Variants in PHF14 observed in about 807,000 individuals in gnomAD.
PHF14 encodes the protein PHD finger protein 14.
In PHF14, 55 loss-of-function variants were observed where a neutral mutation model predicts 117.9. The ratio of observed to expected loss-of-function variants is 0.47; its 90% CI spans 0.38 to 0.58. PHF14 has a LOEUF of 0.58. Among genes scored for constraint, PHF14 ranks in the 20% least tolerant of loss-of-function variants. PHF14 has a pLI of 0.00. For synonymous variants in PHF14, 409 were observed against 368.6 expected, an observed-to-expected ratio of 1.11 and a Z score of -1.26; for missense variants, 978 against 1,122.2, an observed-to-expected ratio of 0.87 and a Z score of 1.84.
chr7:11,116,638 A>C lies in PHF14; in HGVS notation c.2772+5171A>C, dbSNP rs367843700. 1.4e-4 allele frequency among the ~76,000 whole-genome samples: 22 copies of C among 151,830 alleles called. No individual in the cohort carries two copies. The South Asian group carries it at 4.6e-3, about 32-fold the overall frequency. On this transcript the variant is annotated intron_variant, in intron 17 of 17. Coordinates refer to ENST00000634607, the MANE Select transcript of PHF14 (RefSeq NM_001007157.2). ...TCTACTCCTGCCCACATGGATACCTACTTTGCTTGTCATTTGATAACTTTT... is the reference window on the plus strand; with the variant it reads ...TCTACTCCTGCCCACATGGATACCTCCTTTGCTTGTCATTTGATAACTTTT...
At chr7:11,039,847 T>C (rs1316161640) in intron 11 of PHF14, among the ~76,000 whole-genome samples, 1 of 152,152 alleles carries the variant, frequency 6.6e-6, no homozygotes, top group Non-Finnish European at 1.5e-5. Context: ...TTCCTGTTAA[T>C]AGGTTGGTTG....
chr7:11,142,172 A>G (rs1308131864), intron 17 of PHF14, among the ~76,000 whole-genome samples: 1 of 152,094 alleles, frequency 6.6e-6, no homozygotes, highest in Non-Finnish European at 1.5e-5. Flanking sequence ...TGTATTATCA[A>G]TGAAAAATTA....
At chr7:11,060,921 T>A (rs993346469) in intron 14 of PHF14, among the ~76,000 whole-genome samples, 1 of 150,978 alleles carries the variant, frequency 6.6e-6, no homozygotes, top group African/African-American at 2.4e-5. Context: ...ATATGAAGAA[T>A]TGAAATTAAT....
intron 16 of PHF14, among the ~76,000 whole-genome samples, chr7:11,091,363 T>C (rs956756703): frequency 9.9e-5 from 15 of 152,224 alleles, no homozygotes; most frequent in Non-Finnish European, 1.9e-4. Flanking sequence ...TGGCTATATT[T>C]ATTTTTTGGA....
At chr7:10,995,530 G>A (rs866433249) in intron 4 of PHF14, among the ~76,000 whole-genome samples, 2 of 152,204 alleles carry the variant, frequency 1.3e-5, no homozygotes, top group Non-Finnish European at 2.9e-5. Flanking sequence ...GGAGCTGCCC[G>A]CCAGTCCCAT....
chr7:11,056,055 T>A (rs1785006723), intron 14 of PHF14, among the ~76,000 whole-genome samples: 1 of 152,104 alleles, frequency 6.6e-6, no homozygotes, highest in African/African-American at 2.4e-5. Flanking sequence ...GAGGTACGAG[T>A]CAGATTATAA....
At chr7:11,040,374 G>T (rs1784461505) in intron 11 of PHF14, among the ~76,000 whole-genome samples, 1 of 151,488 alleles carries the variant, frequency 6.6e-6, no homozygotes, top group Admixed American at 6.6e-5. Flanking sequence ...ACTGTGTTTT[G>T]TTTTTTTTAA....
intron 14 of PHF14, among the ~76,000 whole-genome samples, chr7:11,052,392 G>C (rs185891665): frequency 1.3e-4 from 20 of 152,200 alleles, no homozygotes; most frequent in Admixed American, 1.2e-3. Flanking sequence ...TTGCTTTGTT[G>C]ATGGGCAGTT....
chr7:11,103,785 G>A (rs547421372), intron 16 of PHF14: 245 of 984,982 alleles, frequency 2.5e-4, no homozygotes, highest in East Asian at 2.4e-3. Flanking sequence ...AGTGAGGAAC[G>A]CTATGATTGG....
chr7:11,020,482 A>G (rs1441117113), intron 5 of PHF14, among the ~76,000 whole-genome samples: 2 of 152,076 alleles, frequency 1.3e-5, no homozygotes, highest in Admixed American at 6.6e-5. Context: ...AGGCTCAAGC[A>G]GTCCTCCTAC....
At chr7:11,144,893 G>A (rs908589712) in intron 17 of PHF14, among the ~76,000 whole-genome samples, 1 of 151,854 alleles carries the variant, frequency 6.6e-6, no homozygotes, top group Non-Finnish European at 1.5e-5. Flanking sequence ...AGTAAGAGTA[G>A]TAAAAAATCA....
chr7:11,077,497 A>G (rs1197558560), intron 16 of PHF14, among the ~76,000 whole-genome samples: 1 of 149,032 alleles, frequency 6.7e-6, no homozygotes, highest in Non-Finnish European at 1.5e-5. Flanking sequence ...GCTACTCAGG[A>G]GGCTGAGGCA....
chr7:10,991,735 TTTTTTTAA>T (rs1467694889), intron 4 of PHF14, among the ~76,000 whole-genome samples: 6 of 148,096 alleles, frequency 4.1e-5, no homozygotes, highest in Non-Finnish European at 7.4e-5. Context: ...CTTGTTTGTT[TTTTTTTAA>T]TTTTTTAATT....
At chr7:11,153,452 T>C (rs538823779) in intron 17 of PHF14, among the ~76,000 whole-genome samples, 1 of 152,188 alleles carries the variant, frequency 6.6e-6, no homozygotes, top group East Asian at 1.9e-4. Flanking sequence ...CATGGTATGT[T>C]TGAGGTCCTT....
chr7:10,983,768 G>T (rs1216572517), intron 3 of PHF14, among the ~76,000 whole-genome samples: 1 of 151,986 alleles, frequency 6.6e-6, no homozygotes, highest in Non-Finnish European at 1.5e-5. Context: ...TCTCTACAAA[G>T]AAATGGAATA....
At chr7:11,137,851 T>C (rs1363622431) in intron 17 of PHF14, among the ~76,000 whole-genome samples, 1 of 151,852 alleles carries the variant, frequency 6.6e-6, no homozygotes, top group Non-Finnish European at 1.5e-5. Flanking sequence ...CTCCCTAAAG[T>C]GTTGGGATTA....
At chr7:11,128,446 T>C (rs1192466393) in intron 17 of PHF14, among the ~76,000 whole-genome samples, 1 of 152,040 alleles carries the variant, frequency 6.6e-6, no homozygotes, top group Non-Finnish European at 1.5e-5. Flanking sequence ...CTCTGTTCTT[T>C]ATTCCAAACA....
chr7:11,011,369 C>A (rs1483921097), intron 4 of PHF14, among the ~76,000 whole-genome samples: 1 of 152,148 alleles, frequency 6.6e-6, no homozygotes, highest in Non-Finnish European at 1.5e-5. Context: ...TTTACCAGTT[C>A]AAATAATCAC....
chr7:10,996,745 C>A (rs1782664081), intron 4 of PHF14, among the ~76,000 whole-genome samples: 1 of 152,166 alleles, frequency 6.6e-6, no homozygotes, highest in Non-Finnish European at 1.5e-5. Flanking sequence ...CTAAATAAAT[C>A]CTGGGGTACA....
Sources: gnomAD v4.1 joint callset for allele counts (sites outside exome capture counted in the v4.1 genomes callset) on GRCh38, gnomAD v4.1.1 for gene constraint, MANE v1.5 for transcripts, NCBI Gene and HGNC (gene_info 2026-07-23, HGNC 2026-07-21) for gene names.